The following CLUH variants were observed in gnomAD, a reference collection of about 807,000 sequenced individuals.
CLUH encodes the protein clustered mitochondria protein homolog.
A neutral mutation model predicts 139.3 loss-of-function variants in CLUH; 77 were observed. That is an observed-to-expected ratio of 0.55 (90% CI 0.46 to 0.67). CLUH has a LOEUF of 0.67. CLUH is among the 30% of genes least tolerant of loss of function. CLUH has a pLI of 0.00. For synonymous variants in CLUH, 999 were observed against 801.6 expected, an observed-to-expected ratio of 1.25 and a Z score of -4.16; for missense variants, 1,876 against 1,875.8, an observed-to-expected ratio of 1.00 and a Z score of 0.00.
Position 2,700,843 on chromosome 17 carries a change from G to C in CLUH, c.1026-18C>G, listed in dbSNP as rs369874928. On this transcript the variant is annotated intron_variant, in intron 7 of 25. Coordinates refer to ENST00000651024, the MANE Select transcript of CLUH (RefSeq NM_001366661.1). Reference sequence around the variant, plus strand: ...GCTGGACCCTGTGGCAGGCAGGGGAGGGGGAGATGGGGCAGCCCACCAAGC... The same window carrying C: ...GCTGGACCCTGTGGCAGGCAGGGGACGGGGAGATGGGGCAGCCCACCAAGC... The C allele has an allele frequency of 2.4e-5, 36 of 1,508,050 alleles. No homozygotes were observed. In the Admixed American group the frequency reaches 7.3e-4, roughly 30 times the overall value. 93.4% of individuals were successfully genotyped at this position (1,508,050 alleles called of 1,614,324 possible).
rs1466937789 is a variant in CLUH, at chr17:2,702,034, G to A, written c.499C>T (p.Arg167Cys). 6 of 1,613,762 alleles carry A rather than the reference G, an allele frequency of 3.7e-6. No individual in the cohort carries two copies. The highest frequency in any genetic ancestry group is 2.2e-5 in the East Asian group (1 of 44,878). The change falls in exon 4 of 26, where the codon CGC becomes TGC. Residue 167 changes from arginine to cysteine, a missense_variant. Arg to Cys is a radical substitution (Grantham distance 180). Transcript: ENST00000651024. Reference protein sequence around the residue: ...VEEPYTVREARIHVRHVRDLL... With the variant: ...VEEPYTVREACIHVRHVRDLL... ...TCTCGGACATGGCGCACGTGGATGC[G>A]GGCCTCACGCACCGTGTACGGCTCT...
At chr17:2,696,283 C>A (rs919666197) in intron 12 of CLUH, 24 bp from the exon 13 acceptor site, 2 of 1,554,120 alleles carry the variant, frequency 1.3e-6, no homozygotes, top group Non-Finnish European at 1.7e-6. Flanking sequence ...AGCAGAGAGG[C>A]TGAGCCAGGC....
Position 2,691,758 on chromosome 17 carries a change from CACCTT to C in CLUH, c.3787_3789+2del. On this transcript the variant is annotated splice_donor_variant and coding_sequence_variant, in exon 24 of 26. Transcript: ENST00000651024. LOFTEE classifies it high-confidence loss of function. ...CGGAGGGGCCGCTCCGCCCCGGACT[CACCTT>C]GAGGGGCGGGATGTTGGCGCTGGAG... 6.3e-7 allele frequency: 1 copy of C among 1,596,918 alleles called. No individual in the cohort carries two copies. The highest frequency in any genetic ancestry group is 8.5e-7 in the Non-Finnish European group (1 of 1,172,300).
chr17:2,699,154 C>T (rs572119465), intron 9 of CLUH, among the ~76,000 whole-genome samples: 1 of 151,300 alleles, frequency 6.6e-6, no homozygotes, highest in South Asian at 2.1e-4. Flanking sequence ...TGGGATCCAC[C>T]AGTTATGTGC....
chr17:2,696,130 C>G (rs754191926), intron 13 of CLUH, 29 bp downstream of exon 13: 3 of 1,519,688 alleles, frequency 2.0e-6, no homozygotes, highest in African/African-American at 2.8e-5. Flanking sequence ...CCACACAAGC[C>G]CCACCCAGCC....
chr17:2,711,363 C>T (rs1382274283), intron 1 of CLUH, among the ~76,000 whole-genome samples, 199 bp downstream of exon 1: 4 of 152,122 alleles, frequency 2.6e-5, no homozygotes, highest in Admixed American at 2.0e-4. Context: ...TCCACGGGAC[C>T]GCACGTGCGA....
intron 12 of CLUH, 34 bp from the exon 13 acceptor site, chr17:2,696,293 C>G: frequency 6.5e-7 from 1 of 1,545,282 alleles, no homozygotes; most frequent in Non-Finnish European, 8.8e-7. Flanking sequence ...CTGAGCCAGG[C>G]AGTGGCAAGA....
chr17:2,698,661 A>ACGCACCTAGAC, intron 9 of CLUH, 71 bp from the exon 10 acceptor site: 1 of 1,381,618 alleles, frequency 7.2e-7, no homozygotes, highest in Non-Finnish European at 9.6e-7. Context: ...GGCCAAGCGC[A>ACGCACCTAGAC]CGCACCTAGA....
intron 10 of CLUH, 136 bp downstream of exon 10, chr17:2,697,760 C>T (rs2151706219): frequency 2.3e-6 from 2 of 873,044 alleles, no homozygotes; most frequent in Non-Finnish European, 1.7e-6. Context: ...GACGGGTCTC[C>T]AATGACTGTG....
At chr17:2,710,354 C>G (rs984933396) in intron 1 of CLUH, among the ~76,000 whole-genome samples, 1 of 152,178 alleles carries the variant, frequency 6.6e-6, no homozygotes, top group East Asian at 1.9e-4. Context: ...CAGTACTGCC[C>G]CAGCACCTGT....
At chr17:2,692,919 G>A (rs1194304009) in intron 19 of CLUH, 59 bp from the exon 20 acceptor site, 5 of 1,477,678 alleles carry the variant, frequency 3.4e-6, no homozygotes, top group East Asian at 4.8e-5. Flanking sequence ...CCCAGAGCCC[G>A]CCTGGCCCCG....
Position 2,698,348 on chromosome 17 carries a change from C to G in CLUH, c.1509G>C (p.Glu503Asp). 1 of 1,613,208 alleles carries G rather than the reference C, an allele frequency of 6.2e-7. No homozygotes were observed. Among genetic ancestry groups the G allele is most frequent in the African/African-American group, 1.3e-5 (1 of 75,044 alleles). ...GVRTYNAVDV[E>D]GLYTLGTVVV... ...CCACCGTGCCCAGCGTGTACAGCCCCTCCACGTCCACCGCGTTGTACGTGC... is the reference window on the plus strand; with the variant it reads ...CCACCGTGCCCAGCGTGTACAGCCCGTCCACGTCCACCGCGTTGTACGTGC... Residue 503 changes from glutamate to aspartate, a missense_variant, in exon 10 of 26, where the codon GAG (glutamate) becomes GAC (aspartate). By Grantham distance (45) the Glu-to-Asp change is conservative. Coordinates refer to ENST00000651024, the MANE Select transcript of CLUH (RefSeq NM_001366661.1).
chr17:2,707,672 A>G lies in CLUH; in HGVS notation c.101-3108T>C. 2 of 985,302 alleles carry G rather than the reference A, an allele frequency of 2.0e-6. No homozygotes were observed. The highest frequency in any genetic ancestry group is 1.2e-6 in the Non-Finnish European group (1 of 829,884). 61.0% of individuals were successfully genotyped at this position (985,302 alleles called of 1,614,324 possible). ...GGGTCCTCTCCTCCGCTCCCATCCCAGTGGGGGTGAACAGGACCGCTTCTG... is the reference window on the plus strand; with the variant it reads ...GGGTCCTCTCCTCCGCTCCCATCCCGGTGGGGGTGAACAGGACCGCTTCTG... On this transcript the variant is annotated intron_variant, in intron 1 of 25. Transcript: ENST00000651024. The surrounding 1 kb of genome is among the most constrained non-coding windows in gnomAD (Gnocchi z 7.4).
rs1465092735 is a variant in CLUH at position 2,696,461 on chromosome 17, G to T, written c.2263C>A (p.Arg755Ser). 1.3e-6 allele frequency: 2 copies of T among 1,594,798 alleles called. No homozygotes were observed. Among genetic ancestry groups the T allele is most frequent in the South Asian group, 1.1e-5 (1 of 87,948 alleles). Residue 755 changes from arginine to serine, a missense_variant, in exon 12 of 26, where the codon CGC becomes AGC. Transcript: ENST00000651024. ...GSISSTAFDI[R>S]FNPDIFSPGV... ...GGTGAGAAGATGTCAGGATTGAAGC[G>T]AATGTCGAAGGCGGTGCTGCTGATG...
chr17:2,694,656 GCCC>G, intron 16 of CLUH, 92 bp from the exon 17 acceptor site: 7 of 1,383,196 alleles, frequency 5.1e-6, no homozygotes, highest in Non-Finnish European at 6.9e-6. Context: ...TCCAGCCCGG[GCCC>G]CCAACACTGC....
chr17:2,705,513 GTC>G (rs2070326341), intron 1 of CLUH, among the ~76,000 whole-genome samples: 1 of 152,062 alleles, frequency 6.6e-6, no homozygotes, highest in African/African-American at 2.4e-5. Flanking sequence ...GTGCTTCTGT[GTC>G]TGTGCTGCCC....
At chr17:2,691,973 C>CCCCCGCCCCGCCCCCG in intron 23 of CLUH, 31 bp downstream of exon 23, 1 of 466,826 alleles carries the variant, frequency 2.1e-6, no homozygotes. Flanking sequence ...CCCCGCCCCG[C>CCCCCGCCCCGCCCCCG]CCCCGCCCCC....
At chr17:2,695,859 GGGAGGA>G in intron 13 of CLUH, 1 of 573,560 alleles carries the variant, frequency 1.7e-6, no homozygotes, top group Non-Finnish European at 3.1e-6. Flanking sequence ...CAGAGCCTGC[GGGAGGA>G]GGAGGAGGAT....
Position 2,692,146 on chromosome 17 carries a change from G to A in CLUH, c.3561-49C>T, listed in dbSNP as rs1295121248. The A allele has an allele frequency of 2.6e-6, 4 of 1,537,532 alleles. No individual in the cohort carries two copies. In the East Asian group the frequency reaches 7.1e-5, roughly 27 times the overall value. On this transcript the variant is annotated intron_variant, in intron 22 of 25. Coordinates refer to ENST00000651024, the MANE Select transcript of CLUH (RefSeq NM_001366661.1). ...CGAGGGAAGGGCATAAGTGGGCTGG[G>A]TGTGGGGGCCTGACTCGGGGGCCCG...
Sources: gnomAD v4.1 joint callset for allele counts (sites outside exome capture counted in the v4.1 genomes callset) on GRCh38, gnomAD v4.1.1 for gene constraint, Gnocchi (gnomAD v3.1) non-coding constraint, MANE v1.5 for transcripts, NCBI Gene and HGNC (gene_info 2026-07-23, HGNC 2026-07-21) for gene names.